NOSTRIN: variants seen among roughly 807,000 people sequenced by gnomAD.
NOSTRIN encodes the protein nitric oxide synthase trafficking.
NOSTRIN carries 63 observed loss-of-function variants against 59.0 expected under a neutral mutation model. The observed-to-expected ratio is 1.07, with a 90% CI of 0.87 to 1.32. NOSTRIN has a LOEUF of 1.32. Among genes scored for constraint, NOSTRIN ranks in the 40% most tolerant of loss-of-function variants. NOSTRIN has a pLI of 0.00. For synonymous variants in NOSTRIN, 200 were observed against 165.4 expected, an observed-to-expected ratio of 1.21 and a Z score of -1.61; for missense variants, 512 against 473.1, an observed-to-expected ratio of 1.08 and a Z score of -0.76.
upstream of NOSTRIN, among the ~76,000 whole-genome samples, chr2:168,799,822 A>T (rs1685569270): frequency 6.6e-6 from 1 of 152,372 alleles, no homozygotes; most frequent in East Asian, 1.9e-4. Context: ...TCATTCAAGA[A>T]CAAATATTAA....
chr2:168,815,851 C>T (rs554741163), intron 2 of NOSTRIN, among the ~76,000 whole-genome samples: 1 of 152,250 alleles, frequency 6.6e-6, no homozygotes, highest in East Asian at 1.9e-4. Flanking sequence ...AGGGTTTATC[C>T]ACTCTTCTCC....
At chr2:168,862,531 C>T (rs1056851122) in intron 15 of NOSTRIN, among the ~76,000 whole-genome samples, 1 of 131,862 alleles carries the variant, frequency 7.6e-6, no homozygotes. Context: ...GTGACCTCCT[C>T]TCTCAACTTA....
chr2:168,842,977 G>A lies in NOSTRIN; in HGVS notation c.505-15G>A, dbSNP rs759538371. On this transcript the variant is annotated splice_polypyrimidine_tract_variant and intron_variant, in intron 7 of 15. Coordinates refer to ENST00000317647, the MANE Select transcript of NOSTRIN (RefSeq NM_001039724.4). ...AATGTGTTAGTAAATGTGTGACATT[G>A]ATGTTTTACATTAGCTCCTCAATAA... The A allele has an allele frequency of 5.8e-6, 5 of 868,996 alleles. No individual in the cohort carries two copies. Among genetic ancestry groups the A allele is most frequent in the Non-Finnish European group, 8.0e-6 (4 of 500,182 alleles). The allele number at this position is 868,996 out of a possible 1,614,324, so 53.8% of individuals were successfully genotyped here.
intron 5 of NOSTRIN, 24 bp from the exon 6 acceptor site, chr2:168,831,448 G>GTTTCCTT (rs1402764370): frequency 2.3e-6 from 2 of 858,486 alleles, no homozygotes; most frequent in Non-Finnish European, 4.1e-6. Flanking sequence ...GCAAAGCTTT[G>GTTTCCTT]TTTCCTTTTT....
chr2:168,796,913 T>G (rs1314405658), upstream of NOSTRIN, among the ~76,000 whole-genome samples: 1 of 152,092 alleles, frequency 6.6e-6, no homozygotes, highest in Non-Finnish European at 1.5e-5. Context: ...AAGAGAAACT[T>G]GCGAATGAAG....
At chr2:168,862,418 C>T (rs1689521286) in intron 15 of NOSTRIN, among the ~76,000 whole-genome samples, 1 of 152,172 alleles carries the variant, frequency 6.6e-6, no homozygotes, top group Admixed American at 6.5e-5. Context: ...CAGTCATGCT[C>T]CTAATCACAG....
intron 2 of NOSTRIN, among the ~76,000 whole-genome samples, chr2:168,815,017 C>T (rs1027355431): frequency 2.0e-5 from 3 of 152,156 alleles, no homozygotes; most frequent in Non-Finnish European, 4.4e-5. Flanking sequence ...CATTTCCAGA[C>T]CCCTTACTTA....
chr2:168,823,220 G>GT (rs1384526428), intron 2 of NOSTRIN, among the ~76,000 whole-genome samples: 1 of 152,128 alleles, frequency 6.6e-6, no homozygotes, highest in Non-Finnish European at 1.5e-5. Flanking sequence ...GTTTCACTGT[G>GT]TTAGCCAGGA....
intron 15 of NOSTRIN, among the ~76,000 whole-genome samples, chr2:168,862,690 G>A (rs920187015): frequency 6.6e-6 from 1 of 152,184 alleles, no homozygotes; most frequent in Non-Finnish European, 1.5e-5. Context: ...ACATGGAAAG[G>A]TATTACGTAG....
intron 2 of NOSTRIN, among the ~76,000 whole-genome samples, chr2:168,823,590 C>A (rs192377900): frequency 6.6e-6 from 1 of 152,266 alleles, no homozygotes; most frequent in East Asian, 1.9e-4. Context: ...TCCAAATTTT[C>A]TCTTTATATG....
intron 2 of NOSTRIN, among the ~76,000 whole-genome samples, chr2:168,819,024 T>A (rs1686572365): frequency 7.7e-6 from 1 of 130,030 alleles, no homozygotes; most frequent in South Asian, 2.9e-4. Flanking sequence ...TTGTATTAGC[T>A]ATGGTGGCAG....
At position 168,851,116 on chromosome 2, in the gene NOSTRIN, A is replaced by G; in HGVS notation, c.663A>G (p.Gln221=). Reference sequence around the variant, plus strand: ...TGGAGCTGGAGAAGGAAAGAATTCAACTTTTATGCAATAACTTAAACCAGT... The same window carrying G: ...TGGAGCTGGAGAAGGAAAGAATTCAGCTTTTATGCAATAACTTAAACCAGT... ...SILELEKERI[Q]LLCNNLNQYS... is the part of the protein sequence containing the mutation. Residue 221 remains glutamine, a synonymous_variant, in exon 9 of 16, where the codon CAA becomes CAG. Coordinates refer to ENST00000317647, the MANE Select transcript of NOSTRIN (RefSeq NM_001039724.4). 6.3e-7 allele frequency: 1 copy of G among 1,580,162 alleles called. No homozygotes were observed. Among genetic ancestry groups the G allele is most frequent in the Non-Finnish European group, 8.7e-7 (1 of 1,149,056 alleles).
upstream of NOSTRIN, among the ~76,000 whole-genome samples, chr2:168,796,960 A>T (rs1484447750): frequency 6.6e-6 from 1 of 152,162 alleles, no homozygotes; most frequent in Non-Finnish European, 1.5e-5. Context: ...AAATGAAAGC[A>T]ATTATTTATT....
chr2:168,794,503 C>T (rs989868818), upstream of NOSTRIN, among the ~76,000 whole-genome samples: 1 of 152,086 alleles, frequency 6.6e-6, no homozygotes, highest in African/African-American at 2.4e-5. Flanking sequence ...AGGTGCCCGC[C>T]ACCGCGCCTG....
At chr2:168,798,520 C>A (rs1162093292), upstream of NOSTRIN, among the ~76,000 whole-genome samples, 1 of 152,134 alleles carries the variant, frequency 6.6e-6, no homozygotes, top group African/African-American at 2.4e-5. Context: ...AGGCCAGACC[C>A]TGGAAGGGAA....
chr2:168,821,056 A>G (rs979389617), intron 2 of NOSTRIN, among the ~76,000 whole-genome samples: 6 of 152,226 alleles, frequency 3.9e-5, no homozygotes, highest in Non-Finnish European at 7.3e-5. Flanking sequence ...TTTCTTCTGG[A>G]TACACAATAA....
intron 7 of NOSTRIN, among the ~76,000 whole-genome samples, chr2:168,837,374 A>T (rs1347804739): frequency 7.4e-5 from 9 of 122,178 alleles, no homozygotes; most frequent in African/African-American, 2.9e-4. Flanking sequence ...CAGTGGCGCG[A>T]TCTCGGCTTA....
At chr2:168,811,686 C>T (rs942259229) in intron 2 of NOSTRIN, 34 bp downstream of exon 2, 3 of 797,568 alleles carry the variant, frequency 3.8e-6, no homozygotes, top group Admixed American at 4.2e-5. Flanking sequence ...AATGGTTCTT[C>T]CTCTTTAGTT....
At chr2:168,844,783 T>C (rs1688310329) in intron 8 of NOSTRIN, among the ~76,000 whole-genome samples, 1 of 151,004 alleles carries the variant, frequency 6.6e-6, no homozygotes, top group African/African-American at 2.4e-5. Context: ...GGCAGGAGAA[T>C]GGCGTGAACC....
Sources: allele counts gnomAD v4.1 joint callset (sites outside exome capture counted in the v4.1 genomes callset), GRCh38; gene constraint gnomAD v4.1.1; transcripts MANE v1.5; gene names NCBI Gene and HGNC (gene_info 2026-07-23, HGNC 2026-07-21).